The following HSF5 variants were observed in gnomAD, a reference collection of about 807,000 sequenced individuals.
HSF5 encodes heat shock transcription factor 5, also known as heat shock factor protein 5.
HSF5 carries 5 observed loss-of-function variants against 50.8 expected under a neutral mutation model. The observed-to-expected ratio is 0.10, with a 90% CI of 0.05 to 0.21. The LOEUF (loss-of-function observed/expected upper bound fraction) is 0.21, where lower values mean the gene tolerates loss of function less well. Among genes scored for constraint, HSF5 ranks in the 10% least tolerant of loss-of-function variants. The pLI is 1.00. For missense variants in HSF5, 564 were observed against 762.6 expected, an observed-to-expected ratio of 0.74 and a Z score of 3.07; for synonymous variants, 307 against 307.4, an observed-to-expected ratio of 1.00 and a Z score of 0.02.
intron 5 of HSF5, among the ~76,000 whole-genome samples, chr17:58,453,783 T>C (rs547743038): frequency 9.9e-5 from 15 of 151,854 alleles, no homozygotes; most frequent in African/African-American, 3.6e-4. Context: ...TGCTAAAAAA[T>C]CATTCAGTAA....
intron 3 of HSF5, among the ~76,000 whole-genome samples, chr17:58,464,490 C>T (rs189208582): frequency 1.3e-5 from 2 of 152,362 alleles, no homozygotes; most frequent in Admixed American, 1.3e-4. Context: ...CACGCACACT[C>T]TCACCCATAC....
chr17:58,436,833 C>A (rs1350536463), intron 5 of HSF5, among the ~76,000 whole-genome samples: 2 of 150,408 alleles, frequency 1.3e-5, no homozygotes, highest in African/African-American at 2.4e-5. Context: ...AAAAAAAAAA[C>A]CAACCATAAC....
rs1430821671 is a variant in HSF5, at chr17:58,447,794, G to A, written c.1720+10974C>T. On this transcript the variant is annotated intron_variant, in intron 5 of 5. Coordinates refer to ENST00000323777, the MANE Select transcript of HSF5 (RefSeq NM_001080439.3). ...GGACAGGTACAAACAGGGCCAGACT[G>A]CAAAGACTAGAATAAATACCTAACT... Among the ~76,000 whole-genome samples the A allele has an allele frequency of 7.2e-5, 11 of 152,308 alleles. No homozygotes were observed. In the East Asian group the frequency reaches 2.1e-3, roughly 29 times the overall value.
chr17:58,452,126 G>A (rs1329401280), intron 5 of HSF5, among the ~76,000 whole-genome samples: 2 of 151,664 alleles, frequency 1.3e-5, no homozygotes, highest in East Asian at 3.9e-4. Flanking sequence ...TCACACACGA[G>A]GAGTCCTAGC....
chr17:58,481,471 C>G (rs896076184), intron 1 of HSF5, among the ~76,000 whole-genome samples: 1 of 152,212 alleles, frequency 6.6e-6, no homozygotes, highest in Non-Finnish European at 1.5e-5. Flanking sequence ...CAAAGCTAGC[C>G]TAATTTATTC....
chr17:58,477,116 CTT>C (rs34246837), intron 2 of HSF5, among the ~76,000 whole-genome samples: 27 of 133,768 alleles, frequency 2.0e-4, no homozygotes, highest in African/African-American at 7.2e-4. Flanking sequence ...TATATATATA[CTT>C]TTTTTTTTTT....
In HSF5 at chr17:58,458,787, T is replaced by C; in HGVS notation, c.1701A>G (p.Ser567=). 1 of 1,612,394 alleles carries C rather than the reference T, an allele frequency of 6.2e-7. No homozygotes were observed. The highest frequency in any genetic ancestry group is 8.5e-7 in the Non-Finnish European group (1 of 1,179,454). The change falls in exon 5 of 6, where the codon TCA becomes TCG. Residue 567 remains serine (S), a synonymous_variant. Transcript: ENST00000323777. ...CCTTACCAGGGGACTTTCCTTGTTGTGAGTTGCTTCTGTGCTCTCTGTATC... is the reference window on the plus strand; with the variant it reads ...CCTTACCAGGGGACTTTCCTTGTTGCGAGTTGCTTCTGTGCTCTCTGTATC... The part of the protein sequence containing the change: ...PARYREHRSN[S]QQGKSPDLHL...
chr17:58,454,364 C>T (rs1974681282), intron 5 of HSF5, among the ~76,000 whole-genome samples: 1 of 151,964 alleles, frequency 6.6e-6, no homozygotes, highest in Non-Finnish European at 1.5e-5. Context: ...TATGACAAAC[C>T]CACAGCTAAC....
Position 58,480,762 on chromosome 17 carries a change from G to GCTATGTATCTAT in HSF5, c.551-496_551-495insATAGATACATAG, listed in dbSNP as rs1555644445. Among the ~76,000 whole-genome samples, 33 of 146,486 alleles carry GCTATGTATCTAT rather than the reference G, an allele frequency of 2.3e-4. 1 individual carries two copies. The highest frequency in any genetic ancestry group is 4.6e-4 in the Non-Finnish European group (31 of 66,814). ...GATAAAAAAAAAAGTAACGCTCTTT[G>GCTATGTATCTAT]CTATCTATCTATCTATCTATCTATC... On this transcript the variant is annotated intron_variant, in intron 1 of 5. Coordinates refer to ENST00000323777, the MANE Select transcript of HSF5 (RefSeq NM_001080439.3).
At chr17:58,479,872 A>G in intron 2 of HSF5, 21 bp downstream of exon 2, 3 of 1,591,090 alleles carry the variant, frequency 1.9e-6, no homozygotes, top group Non-Finnish European at 2.6e-6. Context: ...ATAGAAGGCC[A>G]TGAACCTGAA....
At chr17:58,465,042 G>T (rs530758884) in intron 3 of HSF5, among the ~76,000 whole-genome samples, 1 of 150,134 alleles carries the variant, frequency 6.7e-6, no homozygotes, top group Admixed American at 6.6e-5. Context: ...ACTCCTCAAG[G>T]TGGGAGGATC....
intron 5 of HSF5, among the ~76,000 whole-genome samples, chr17:58,431,123 G>A (rs1974359350): frequency 1.3e-5 from 2 of 152,156 alleles, no homozygotes; most frequent in Admixed American, 6.5e-5. Context: ...CTCTTCTCTT[G>A]TCTGTTGCCA....
At chr17:58,472,540 T>C (rs1161049625) in intron 2 of HSF5, among the ~76,000 whole-genome samples, 1 of 152,184 alleles carries the variant, frequency 6.6e-6, no homozygotes, top group East Asian at 1.9e-4. Context: ...ATGTAAATAG[T>C]GTTTAAATTT....
chr17:58,457,121 G>A (rs371842404), intron 5 of HSF5, among the ~76,000 whole-genome samples: 17 of 151,956 alleles, frequency 1.1e-4, no homozygotes, highest in African/African-American at 2.7e-4. Context: ...TTAGCTAGTC[G>A]TGGTGGAGTG....
intron 2 of HSF5, chr17:58,476,297 G>T: frequency 9.7e-7 from 1 of 1,031,656 alleles, no homozygotes. Flanking sequence ...AAGTGGTACT[G>T]TAATGGGTTT....
chr17:58,420,890 G>C lies in HSF5; in HGVS notation c.*1470C>G, dbSNP rs1474168701. 2 of 152,400 alleles carry C rather than the reference G, an allele frequency of 1.3e-5. No individual in the cohort carries two copies. Among genetic ancestry groups the C allele is most frequent in the East Asian group, 3.8e-4 (2 of 5,198 alleles). 9.4% of individuals were successfully genotyped at this position (152,400 alleles called of 1,614,324 possible). Reference sequence around the variant, plus strand: ...AAGTAGATCTCTGTAATATTTCTAGGGTTTGACATCATTGGGAAGGCACAA... The same window carrying C: ...AAGTAGATCTCTGTAATATTTCTAGCGTTTGACATCATTGGGAAGGCACAA... On this transcript the variant is annotated 3_prime_UTR_variant, in exon 6 of 6. Transcript: ENST00000323777.
chr17:58,480,357 C>A, intron 1 of HSF5, 90 bp from the exon 2 acceptor site: 1 of 1,280,932 alleles, frequency 7.8e-7, no homozygotes, highest in Non-Finnish European at 1.1e-6. Context: ...CTACTCTTCA[C>A]CTATCAGCCA....
intron 1 of HSF5, among the ~76,000 whole-genome samples, chr17:58,486,549 C>T (rs1975183164): frequency 6.6e-6 from 1 of 152,156 alleles, no homozygotes; most frequent in African/African-American, 2.4e-5. Flanking sequence ...AACTTGACAG[C>T]TGTAAAGAAA....
intron 5 of HSF5, among the ~76,000 whole-genome samples, chr17:58,440,516 T>C (rs781431594): frequency 6.6e-6 from 1 of 152,184 alleles, no homozygotes. Context: ...AAATTATTTT[T>C]ACAAGTAACT....
Sources: gnomAD v4.1 joint callset for allele counts (sites outside exome capture counted in the v4.1 genomes callset) on GRCh38, gnomAD v4.1.1 for gene constraint, MANE v1.5 for transcripts, NCBI Gene and HGNC (gene_info 2026-07-23, HGNC 2026-07-21) for gene names.